The following TNKS variants were observed in gnomAD, a reference collection of about 807,000 sequenced individuals.
TNKS encodes the protein poly [ADP-ribose] polymerase tankyrase-1.
Under a neutral mutation model 135.8 loss-of-function variants are expected in TNKS, and 72 were observed. That is an observed-to-expected ratio of 0.53 (90% CI 0.44 to 0.64). The LOEUF is 0.64. Among genes scored for constraint, TNKS ranks in the 30% least tolerant of loss-of-function variants. The pLI, the probability that TNKS is intolerant of heterozygous loss-of-function variation, is 0.00. For synonymous variants in TNKS, 849 were observed against 649.3 expected (o/e 1.31, Z -4.68); for missense variants, 1,769 against 1,674.0 (o/e 1.06, Z -0.99).
intron 2 of TNKS, among the ~76,000 whole-genome samples, chr8:9,587,526 A>G (rs1798431069): frequency 6.6e-6 from 1 of 151,554 alleles, no homozygotes; most frequent in East Asian, 1.9e-4. Context: ...CAGCCTCCTG[A>G]GTAGCTGGGA....
intron 26 of TNKS, among the ~76,000 whole-genome samples, chr8:9,772,158 G>A (rs1255174134): frequency 2.0e-5 from 3 of 150,508 alleles, no homozygotes; most frequent in Non-Finnish European, 3.0e-5. Context: ...CCCATTATTA[G>A]ACCAGGCAAG....
chr8:9,769,360 C>G (rs1807661287), intron 25 of TNKS, among the ~76,000 whole-genome samples: 2 of 152,122 alleles, frequency 1.3e-5, no homozygotes, highest in Admixed American at 6.5e-5. Flanking sequence ...CAGGTTTCAC[C>G]CAGACTATTA....
At chr8:9,582,778 T>C (rs1172567903) in intron 2 of TNKS, among the ~76,000 whole-genome samples, 2 of 152,188 alleles carry the variant, frequency 1.3e-5, no homozygotes, top group South Asian at 2.1e-4. Context: ...ATTACTATTA[T>C]TATTGTTGGT....
intron 2 of TNKS, among the ~76,000 whole-genome samples, chr8:9,596,390 C>A (rs542381423): frequency 6.1e-4 from 93 of 152,278 alleles, no homozygotes; most frequent in African/African-American, 2.1e-3. Flanking sequence ...TCATTCTCAA[C>A]TGACCAAGCT....
intron 17 of TNKS, among the ~76,000 whole-genome samples, chr8:9,745,733 C>T (rs1302335574): frequency 6.6e-6 from 1 of 151,888 alleles, no homozygotes; most frequent in Non-Finnish European, 1.5e-5. Context: ...GCGTTTTTTG[C>T]TTTGTATTAT....
At chr8:9,667,481 C>G (rs1233559615) in intron 3 of TNKS, among the ~76,000 whole-genome samples, 1 of 152,202 alleles carries the variant, frequency 6.6e-6, no homozygotes, top group African/African-American at 2.4e-5. Flanking sequence ...TCAGGGATTG[C>G]CTGACCTCTG....
intron 1 of TNKS, among the ~76,000 whole-genome samples, chr8:9,577,597 A>T (rs1797999848): frequency 6.6e-6 from 1 of 152,064 alleles, no homozygotes; most frequent in South Asian, 2.1e-4. Context: ...TCTTGTGAGA[A>T]CTCACTATTA....
chr8:9,580,092 A>G lies in TNKS; in HGVS notation c.674-67A>G, dbSNP rs1378372570. The G allele has an allele frequency of 5.2e-6, 7 of 1,343,644 alleles. No individual in the cohort carries two copies. In the East Asian group the frequency reaches 1.4e-4, roughly 26 times the overall value. The allele number at this position is 1,343,644 out of a possible 1,614,324, so 83.2% of individuals were successfully genotyped here. A position where few individuals can be genotyped will look rare whatever the true frequency, so the allele number is the denominator to read the frequency against. On this transcript the variant is annotated intron_variant, in intron 1 of 26. Transcript: ENST00000310430. ...TGTTCATACTTGTTGATATTGTTAC[A>G]GATATTCTAATGGTTCTTTTTACAA...
chr8:9,690,393 C>CTCCCT (rs1366348660), intron 5 of TNKS, among the ~76,000 whole-genome samples: 1 of 152,196 alleles, frequency 6.6e-6, no homozygotes, highest in East Asian at 1.9e-4. Flanking sequence ...ATCTGCTCTT[C>CTCCCT]TCCCTTCCCT....
chr8:9,735,364 T>C lies in TNKS; in HGVS notation c.2534-13T>C. On this transcript the variant is annotated splice_polypyrimidine_tract_variant and intron_variant, in intron 16 of 26. Transcript: ENST00000310430. ...AGCTGACACGTTTCCTGTATTTTTT[T>C]TACTCTAAATAGCAGGCTATAATAA... The C allele has an allele frequency of 1.6e-5, 25 of 1,608,004 alleles. No homozygotes were observed. The highest frequency in any genetic ancestry group is 2.1e-5 in the Non-Finnish European group (25 of 1,175,362).
At chr8:9,684,212 T>C (rs573687160) in intron 5 of TNKS, among the ~76,000 whole-genome samples, 1 of 152,038 alleles carries the variant, frequency 6.6e-6, no homozygotes. Flanking sequence ...TATTCCTTTA[T>C]TTTCAAACTT....
intron 3 of TNKS, among the ~76,000 whole-genome samples, chr8:9,653,828 G>A (rs191854133): frequency 3.3e-5 from 5 of 152,100 alleles, no homozygotes; most frequent in Admixed American, 2.0e-4. Flanking sequence ...CCTCACTCTT[G>A]TTCCTTTCCC....
chr8:9,669,612 C>T (rs1802176095), intron 3 of TNKS, among the ~76,000 whole-genome samples: 2 of 152,012 alleles, frequency 1.3e-5, no homozygotes, highest in African/African-American at 4.8e-5. Context: ...AATACTTTGT[C>T]CAATAATCTT....
In TNKS at chr8:9,764,609, A is replaced by G. The variant is rs34263905; in HGVS notation, c.3373-107A>G. On this transcript the variant is annotated intron_variant, in intron 22 of 26. Coordinates refer to ENST00000310430, the MANE Select transcript of TNKS (RefSeq NM_003747.3). ...ACTTATCCACTAAACTTGTTCATCA[A>G]TTTATAGTGAACTCCTATTTATTTA... The G allele has an allele frequency of 3.6e-3, 2,562 of 721,176 alleles. 49 individuals are homozygous for G. The African/African-American group carries it at 0.042, about 12-fold the overall frequency. 44.7% of individuals were successfully genotyped at this position (721,176 alleles called of 1,614,324 possible). A position where few individuals can be genotyped will look rare whatever the true frequency, so the allele number is the denominator to read the frequency against.
At chr8:9,628,169 A>T (rs1470920297) in intron 3 of TNKS, among the ~76,000 whole-genome samples, 3 of 382 alleles carry the variant, frequency 7.9e-3, no homozygotes, top group African/African-American at 8.5e-3. Flanking sequence ...CAATAAAATA[A>T]AAAAAAAAAC....
intron 3 of TNKS, among the ~76,000 whole-genome samples, chr8:9,618,685 T>C (rs890965091): frequency 6.6e-6 from 1 of 152,206 alleles, no homozygotes; most frequent in African/African-American, 2.4e-5. Flanking sequence ...AGTAACATAC[T>C]TTTGGCCTTT....
intron 11 of TNKS, 96 bp downstream of exon 11, chr8:9,710,316 A>G (rs1401606408): frequency 8.7e-7 from 1 of 1,148,066 alleles, no homozygotes; most frequent in Non-Finnish European, 1.3e-6. Flanking sequence ...TGAAGAAACT[A>G]ATTTTATAAA....
chr8:9,672,435 G>C (rs1442791150), intron 3 of TNKS, among the ~76,000 whole-genome samples: 1 of 151,878 alleles, frequency 6.6e-6, no homozygotes, highest in Non-Finnish European at 1.5e-5. Flanking sequence ...GTGCTGTGTA[G>C]CTGTGTACAC....
chr8:9,768,320 A>T (rs1807591884), intron 25 of TNKS, among the ~76,000 whole-genome samples: 1 of 152,220 alleles, frequency 6.6e-6, no homozygotes, highest in African/African-American at 2.4e-5. Flanking sequence ...CCACAGTCTC[A>T]TAGTGAGTGC....
Sources: allele counts gnomAD v4.1 joint callset (sites outside exome capture counted in the v4.1 genomes callset), GRCh38; gene constraint gnomAD v4.1.1; transcripts MANE v1.5; gene names NCBI Gene and HGNC (gene_info 2026-07-23, HGNC 2026-07-21).